The following M1AP variants were observed in gnomAD, a reference collection of about 807,000 sequenced individuals.
M1AP encodes meiosis 1 arrest protein.
Under a neutral mutation model 51.2 loss-of-function variants are expected in M1AP, and 39 were observed. That is an observed-to-expected ratio of 0.76 (90% CI 0.59 to 1.00). The LOEUF (loss-of-function observed/expected upper bound fraction) is 1.00, where lower values mean the gene tolerates loss of function less well. M1AP is among the 50% of genes least tolerant of loss of function. The pLI is 0.00. For missense variants in M1AP, 545 were observed against 641.2 expected (o/e 0.85, Z 1.62); for synonymous variants, 251 against 249.2 (o/e 1.01, Z -0.07).
At chr2:74,597,357 G>T (rs910028527) in intron 4 of M1AP, among the ~76,000 whole-genome samples, 1 of 152,188 alleles carries the variant, frequency 6.6e-6, no homozygotes, top group Admixed American at 6.5e-5. Context: ...CTTTAATGCA[G>T]TTATCAAAGG....
At position 74,613,309 on chromosome 2, in the gene M1AP, G is replaced by GT. The variant is rs547954363; in HGVS notation, c.426+1654dup. ...GATGCTTGCTGTCTCTTCAAACTGT[G>GT]TTTTTTTGTCTTTTAGTACGCTTTT... On this transcript the variant is annotated intron_variant, in intron 3 of 10. Coordinates refer to ENST00000421985, the MANE Select transcript of M1AP (RefSeq NM_001321739.2). Among the ~76,000 whole-genome samples, 49 of 152,154 alleles carry GT rather than the reference G, an allele frequency of 3.2e-4. No homozygotes were observed. In the East Asian group the frequency reaches 4.8e-3, roughly 15 times the overall value.
chr2:74,641,368 A>G (rs1683287193), intron 1 of M1AP, among the ~76,000 whole-genome samples: 1 of 152,226 alleles, frequency 6.6e-6, no homozygotes, highest in Non-Finnish European at 1.5e-5. Context: ...AAGAACCAAT[A>G]TAAGGAATGA....
chr2:74,618,604 T>A (rs1469531597), intron 2 of M1AP, among the ~76,000 whole-genome samples: 1 of 152,164 alleles, frequency 6.6e-6, no homozygotes, highest in Non-Finnish European at 1.5e-5. Flanking sequence ...CAACAATAAG[T>A]GTGAAGGGGA....
At chr2:74,568,125 C>T (rs760303429) in intron 7 of M1AP, among the ~76,000 whole-genome samples, 5 of 152,200 alleles carry the variant, frequency 3.3e-5, no homozygotes, top group Non-Finnish European at 7.3e-5. Context: ...CTGAGCAATA[C>T]CCACACTTGT....
At chr2:74,584,874 A>T (rs568183155) in intron 4 of M1AP, among the ~76,000 whole-genome samples, 1 of 148,774 alleles carries the variant, frequency 6.7e-6, no homozygotes, top group Non-Finnish European at 1.5e-5. Flanking sequence ...ATGGGGTCTC[A>T]CTCTGTCACC....
At chr2:74,625,305 A>G (rs1160338624) in intron 2 of M1AP, among the ~76,000 whole-genome samples, 1 of 152,144 alleles carries the variant, frequency 6.6e-6, no homozygotes, top group Non-Finnish European at 1.5e-5. Context: ...TTTTCTATGT[A>G]TGTAGAAAAT....
chr2:74,621,206 C>A (rs994551058), intron 2 of M1AP, among the ~76,000 whole-genome samples: 4 of 151,756 alleles, frequency 2.6e-5, no homozygotes, highest in African/African-American at 9.7e-5. Context: ...GGCATGAACC[C>A]GGGAGGTGGA....
intron 7 of M1AP, among the ~76,000 whole-genome samples, chr2:74,565,868 A>AC (rs1678353191): frequency 1.8e-5 from 2 of 113,954 alleles, no homozygotes; most frequent in African/African-American, 3.3e-5. Context: ...CACACACACA[A>AC]ACATTTGGCA....
chr2:74,593,883 C>A (rs945744436), intron 4 of M1AP, among the ~76,000 whole-genome samples: 1 of 152,190 alleles, frequency 6.6e-6, no homozygotes, highest in Non-Finnish European at 1.5e-5. Context: ...TTGTCTTTCA[C>A]TAGCATTGCC....
At chr2:74,602,822 A>G (rs1680748428) in intron 4 of M1AP, among the ~76,000 whole-genome samples, 1 of 152,228 alleles carries the variant, frequency 6.6e-6, no homozygotes, top group Non-Finnish European at 1.5e-5. Flanking sequence ...TTACTGGAAG[A>G]GTCATCAGCA....
intron 5 of M1AP, among the ~76,000 whole-genome samples, chr2:74,579,512 TA>T (rs1411321434): frequency 6.6e-6 from 1 of 152,222 alleles, no homozygotes; most frequent in Non-Finnish European, 1.5e-5. Flanking sequence ...GCTCTGCTAC[TA>T]ATTTTCTGTG....
intron 9 of M1AP, 34 bp downstream of exon 9, chr2:74,560,117 A>G (rs1677804147): frequency 6.2e-7 from 1 of 1,606,528 alleles, no homozygotes; most frequent in Non-Finnish European, 8.5e-7. Context: ...AGGGAGGGGA[A>G]GTAAGGAAGA....
rs1679425475 is a variant in M1AP, at chr2:74,581,809, T to C, written c.634A>G (p.Ile212Val). 6.2e-6 allele frequency: 10 copies of C among 1,613,900 alleles called. No homozygotes were observed. The highest frequency in any genetic ancestry group is 4.2e-6 in the Non-Finnish European group (5 of 1,179,888). ...ILGTDIDLQTIDNDIVSMEIF... is the reference protein window; with the variant it reads ...ILGTDIDLQTVDNDIVSMEIF... ...TCCATGCTGACGATATCATTGTCTA[T>C]AGTCTGAAGGTCAATGTCAGTTCCC... The change falls in exon 5 of 11, where the codon ATA becomes GTA. Residue 212 changes from isoleucine (I) to valine (V), a missense_variant. Coordinates refer to ENST00000421985, the MANE Select transcript of M1AP (RefSeq NM_001321739.2).
At chr2:74,614,279 T>C (rs1681536471) in intron 3 of M1AP, among the ~76,000 whole-genome samples, 1 of 152,152 alleles carries the variant, frequency 6.6e-6, no homozygotes, top group Admixed American at 6.5e-5. Flanking sequence ...CTAAAAAATA[T>C]TGTTGATTTT....
At chr2:74,604,956 T>A (rs1305787901) in intron 4 of M1AP, among the ~76,000 whole-genome samples, 1 of 152,066 alleles carries the variant, frequency 6.6e-6, no homozygotes, top group Non-Finnish European at 1.5e-5. Context: ...ACACCTGTAA[T>A]CCCAGCACTT....
At chr2:74,636,945 T>G (rs1458589463) in intron 2 of M1AP, among the ~76,000 whole-genome samples, 1 of 152,194 alleles carries the variant, frequency 6.6e-6, no homozygotes, top group Non-Finnish European at 1.5e-5. Flanking sequence ...TCATGTTTCT[T>G]GTGCATGGCA....
intron 8 of M1AP, among the ~76,000 whole-genome samples, chr2:74,560,771 C>T (rs1677869269): frequency 6.6e-6 from 1 of 151,910 alleles, no homozygotes; most frequent in African/African-American, 2.4e-5. Flanking sequence ...GTTTTCCGGC[C>T]ACAACATCCT....
chr2:74,621,204 C>T (rs1210912103), intron 2 of M1AP, among the ~76,000 whole-genome samples: 2 of 151,722 alleles, frequency 1.3e-5, no homozygotes, highest in Non-Finnish European at 2.9e-5. Flanking sequence ...ATGGCATGAA[C>T]CCGGGAGGTG....
At chr2:74,613,616 C>T (rs1681496572) in intron 3 of M1AP, among the ~76,000 whole-genome samples, 1 of 152,126 alleles carries the variant, frequency 6.6e-6, no homozygotes. Flanking sequence ...GTCATTTAGA[C>T]TCTGATAAAA....
Sources: gnomAD v4.1 joint callset for allele counts (sites outside exome capture counted in the v4.1 genomes callset) on GRCh38, gnomAD v4.1.1 for gene constraint, MANE v1.5 for transcripts, NCBI Gene and HGNC (gene_info 2026-07-23, HGNC 2026-07-21) for gene names.